PFKFB1: variants seen among roughly 807,000 people sequenced by gnomAD.
The protein encoded by PFKFB1 is 6-phosphofructo-2-kinase/fructose-2,6-bisphosphatase 1.
In PFKFB1, 34 loss-of-function variants were observed where a neutral mutation model predicts 46.4. The observed-to-expected ratio is 0.73, with a 90% CI of 0.56 to 0.98. The LOEUF is 0.98. Ranked by LOEUF, PFKFB1 falls within the 50% of genes least tolerant of loss-of-function variation. The probability of loss-of-function intolerance (pLI) is 0.00; values close to 1 mark genes in which losing one functional copy is unlikely to be tolerated. For synonymous variants in PFKFB1, 119 were observed against 133.8 expected, an observed-to-expected ratio of 0.89 and a Z score of 0.76; for missense variants, 393 against 376.3, an observed-to-expected ratio of 1.04 and a Z score of -0.37.
Position 54,952,099 on chromosome X carries a change from T to C in PFKFB1, c.652A>G (p.Ile218Val). Residue 218 changes from isoleucine to valine, a missense_variant, in exon 8 of 14, where the codon ATC (isoleucine) becomes GTC (valine). Coordinates refer to ENST00000375006, the MANE Select transcript of PFKFB1 (RefSeq NM_002625.4). ...CGTGTGCCCACGTCGAAGATCTTGA[T>C]GTAGGACAGGTGGCTGGGCCAGACC... is the stretch of plus-strand genomic sequence containing the variant. ...DEELDSHLSY[I>V]KIFDVGTRYM... The C allele has an allele frequency of 8.3e-7, 1 of 1,210,347 alleles. No individual in the cohort carries two copies. Among genetic ancestry groups the C allele is most frequent in the Non-Finnish European group, 1.1e-6 (1 of 894,617 alleles).
chrX:54,994,873 C>G, upstream of PFKFB1: 1 of 753,331 alleles, frequency 1.3e-6, no homozygotes, highest in Non-Finnish European at 1.6e-6. Flanking sequence ...CAGCCATTGC[C>G]TGGGGCTGGA....
At chrX:54,986,471 T>C (rs1005596507) in intron 1 of PFKFB1, among the ~76,000 whole-genome samples, 1 of 111,476 alleles carries the variant, frequency 9.0e-6, no homozygotes, top group South Asian at 3.7e-4. Flanking sequence ...GACAAAAGGG[T>C]CAATCCATAA....
At chrX:54,976,515 A>G (rs1934843419) in intron 1 of PFKFB1, among the ~76,000 whole-genome samples, 1 of 112,008 alleles carries the variant, frequency 8.9e-6, no homozygotes, top group African/African-American at 3.2e-5. Context: ...ATGTATTACA[A>G]AAGGAACTCT....
chrX:54,950,635 G>A (rs1933942905), intron 8 of PFKFB1, among the ~76,000 whole-genome samples: 1 of 112,520 alleles, frequency 8.9e-6, no homozygotes, highest in African/African-American at 3.2e-5. Context: ...GGCAGGGCCG[G>A]GCTGGCTCCA....
rs1181840609 is a variant in PFKFB1 at position 54,950,887 on chromosome X, C to T, written c.846+1018G>A. 9.8e-5 allele frequency among the ~76,000 whole-genome samples: 11 copies of T among 112,718 alleles called. No individual in the cohort carries two copies. In the East Asian group the frequency reaches 2.6e-3, roughly 26 times the overall value. ...GGAGCTGAGGGCAGGCCAGTAGGCCCGGCTTTCAGTCCTGGCTCTGTCTCA... is the reference window on the plus strand; with the variant it reads ...GGAGCTGAGGGCAGGCCAGTAGGCCTGGCTTTCAGTCCTGGCTCTGTCTCA... On this transcript the variant is annotated intron_variant, in intron 8 of 13. Coordinates refer to ENST00000375006, the MANE Select transcript of PFKFB1 (RefSeq NM_002625.4).
At chrX:54,998,600 T>C, upstream of PFKFB1, 1 of 443,230 alleles carries the variant, frequency 2.3e-6, no homozygotes, top group South Asian at 3.7e-5. Flanking sequence ...ATATCAGCTG[T>C]TGTAGTTGCC....
chrX:54,963,739 G>C (rs748132652), intron 1 of PFKFB1, among the ~76,000 whole-genome samples: 2 of 112,584 alleles, frequency 1.8e-5, no homozygotes, highest in Admixed American at 9.4e-5. Context: ...AGGGGCTGCA[G>C]ACATAGGCAA....
chrX:54,946,632 G>A (rs1439785117), intron 9 of PFKFB1, among the ~76,000 whole-genome samples: 1 of 111,666 alleles, frequency 9.0e-6, no homozygotes, highest in East Asian at 2.8e-4. Context: ...CTGGGTACAC[G>A]AGGTCGTTCA....
At position 54,993,960 on chromosome X, in the gene PFKFB1, G is replaced by A. The variant is rs140079589; in HGVS notation, c.48C>T (p.Ile16=). ...GELTQTRLQK[I]WIPHSSGSSR... is the part of the protein sequence containing the mutation. ...TGCTGCCGCTGCTGTGTGGAATCCA[G>A]ATCTTCTGCAACCTGGTTTGGGTGA... Residue 16 remains isoleucine, a synonymous_variant, in exon 1 of 14, where the codon ATC becomes ATT. Transcript: ENST00000375006. The A allele has an allele frequency of 1.2e-4, 148 of 1,206,156 alleles. No homozygotes were observed. The African/African-American group carries it at 2.2e-3, about 18-fold the overall frequency.
At chrX:54,963,202 G>A in intron 2 of PFKFB1, 55 bp downstream of exon 2, 1 of 1,187,243 alleles carries the variant, frequency 8.4e-7, no homozygotes, top group Non-Finnish European at 1.1e-6. Flanking sequence ...CCTAAGTAAG[G>A]TTTTCAGCCA....
In PFKFB1 at chrX:54,951,975, T is replaced by C; in HGVS notation, c.776A>G (p.His259Arg). Residue 259 changes from histidine to arginine, a missense_variant, in exon 8 of 14, where the codon CAT becomes CGT. His to Arg is a conservative substitution (Grantham distance 29, BLOSUM62 0). Transcript: ENST00000375006. ...VTPRSIYLCR[H>R]GESELNIRGR... ...TCTGATGTTGAGTTCACTCTCGCCA[T>C]GTCGGCAAAGGTAGATGGAGCGAGG... is the stretch of plus-strand genomic sequence containing the variant. 8.3e-7 allele frequency: 1 copy of C among 1,211,222 alleles called. No individual in the cohort carries two copies. Among genetic ancestry groups the C allele is most frequent in the Non-Finnish European group, 1.1e-6 (1 of 895,086 alleles).
rs1933456441 is a variant in PFKFB1 at position 54,937,811 on chromosome X, C to T, written c.1099-87G>A. ...AGAACTCTAAACTAGGAATCAAGAA[C>T]ATTTGGTTCCAGTGCCAGTTCAATT... On this transcript the variant is annotated intron_variant, in intron 10 of 13. Coordinates refer to ENST00000375006, the MANE Select transcript of PFKFB1 (RefSeq NM_002625.4). 2.4e-5 allele frequency: 21 copies of T among 887,333 alleles called. No homozygotes were observed. The South Asian group carries it at 4.9e-4, about 21-fold the overall frequency. 73.1% of individuals were successfully genotyped at this position (887,333 alleles called of 1,213,427 possible).
At chrX:54,934,808 C>A in intron 12 of PFKFB1, 139 bp downstream of exon 12, 1 of 491,420 alleles carries the variant, frequency 2.0e-6, no homozygotes. Context: ...GTCCCACCCC[C>A]ACCACCCACT....
At chrX:54,954,682 T>C (rs1401923958) in intron 7 of PFKFB1, among the ~76,000 whole-genome samples, 1 of 111,916 alleles carries the variant, frequency 8.9e-6, no homozygotes, top group Non-Finnish European at 1.9e-5. Flanking sequence ...TACAGCCCAG[T>C]TGGTTTACTG....
At position 54,934,971 on chromosome X, in the gene PFKFB1, G is replaced by C; in HGVS notation, c.1267C>G (p.Leu423Val). The C allele has an allele frequency of 6.6e-6, 8 of 1,207,145 alleles. No individual in the cohort carries two copies. Among genetic ancestry groups the C allele is most frequent in the Non-Finnish European group, 9.0e-6 (8 of 891,711 alleles). ...PYLKCPLHTV[L>V]KLTPVAYGCK... ...CCATAAGCCACAGGAGTGAGTTTGA[G>C]CACTGTGTGCAGAGGGCACTTGAGA... The change falls in exon 12 of 14, where the codon CTC (leucine) becomes GTC (valine). Residue 423 changes from leucine (L) to valine (V), a missense_variant. By Grantham distance (32) the Leu-to-Val change is conservative. Coordinates refer to ENST00000375006, the MANE Select transcript of PFKFB1 (RefSeq NM_002625.4).
chrX:54,970,062 C>G (rs1032120822), intron 1 of PFKFB1, among the ~76,000 whole-genome samples: 28 of 110,895 alleles, frequency 2.5e-4, no homozygotes, highest in Admixed American at 8.6e-4. Flanking sequence ...GCATGTGCCA[C>G]CACACTTGGC....
intron 1 of PFKFB1, among the ~76,000 whole-genome samples, chrX:54,965,358 T>C (rs1934445566): frequency 8.9e-6 from 1 of 112,054 alleles, no homozygotes; most frequent in South Asian, 3.7e-4. Flanking sequence ...AGAAGAATTA[T>C]ACCAGACTTC....
chrX:54,934,728 GAC>G (rs1317810138), intron 12 of PFKFB1, among the ~76,000 whole-genome samples: 1 of 111,751 alleles, frequency 8.9e-6, no homozygotes, highest in Non-Finnish European at 1.9e-5. Context: ...CTCTGGCAAA[GAC>G]ACAGAGTCAG....
chrX:54,953,117 T>C (rs1277986435), intron 7 of PFKFB1, among the ~76,000 whole-genome samples: 1 of 112,133 alleles, frequency 8.9e-6, no homozygotes, highest in African/African-American at 3.2e-5. Context: ...GCCTACGCTG[T>C]ACCAGGCATT....
Sources: allele counts gnomAD v4.1 joint callset (sites outside exome capture counted in the v4.1 genomes callset), GRCh38; gene constraint gnomAD v4.1.1; transcripts MANE v1.5; gene names NCBI Gene and HGNC (gene_info 2026-07-23, HGNC 2026-07-21).